PURG: variants seen among roughly 807,000 people sequenced by gnomAD.
The protein encoded by PURG is purine-rich element-binding protein gamma.
Under a neutral mutation model 24.3 loss-of-function variants are expected in PURG, and 3 were observed. That is an observed-to-expected ratio of 0.12 (90% CI 0.06 to 0.32). The LOEUF (loss-of-function observed/expected upper bound fraction) is 0.32. Among genes scored for constraint, PURG ranks in the 10% least tolerant of loss-of-function variants. The pLI is 1.00. For missense variants in PURG, 371 were observed against 439.1 expected (o/e 0.84, Z 1.39); for synonymous variants, 180 against 173.1 (o/e 1.04, Z -0.31).
chr8:31,032,161 T>C lies in PURG; in HGVS notation c.622A>G (p.Met208Val), dbSNP rs1487830158. 2 of 1,614,078 alleles carry C rather than the reference T, an allele frequency of 1.2e-6. No homozygotes were observed. Among genetic ancestry groups the C allele is most frequent in the African/African-American group, 1.3e-5 (1 of 74,928 alleles). ...AAACTGTGGCCAAAATAACCTATCA[T>C]GCCAGTCCCCCGCATCATGGTTTGT... Reference protein sequence around the residue: ...IRQTMMRGTGMIGYFGHSLGQ... With the variant: ...IRQTMMRGTGVIGYFGHSLGQ... The change falls in exon 2 of 2, where the codon ATG becomes GTG. Residue 208 changes from methionine to valine, a missense_variant. Physicochemically the swap from Met to Val is conservative, Grantham distance 21 (BLOSUM62 1). Around this residue, in one of 5 missense-constraint regions of PURG, gnomAD observed 41 missense variants for 29.8 expected, o/e 1.38. Coordinates refer to ENST00000523392, the MANE Select transcript of PURG (RefSeq NM_001323311.2). This position sits in a 1 kb window ranked among gnomAD's most constrained non-coding sequence, Gnocchi z 5.9.
At chr8:31,021,804 T>C (rs1325657243) in intron 1 of PURG, among the ~76,000 whole-genome samples, 1 of 152,114 alleles carries the variant, frequency 6.6e-6, no homozygotes, top group African/African-American at 2.4e-5. Flanking sequence ...TTATAAGGAT[T>C]AGGAATAGTA....
intron 1 of PURG, among the ~76,000 whole-genome samples, chr8:31,007,489 AT>A (rs1810676646): frequency 6.6e-6 from 1 of 152,206 alleles, no homozygotes; most frequent in South Asian, 2.1e-4. Flanking sequence ...GAGTTGAAGG[AT>A]AAAAACAAAT....
Position 31,032,353 on chromosome 8 carries a change from G to T in PURG, c.430C>A (p.Gln144Lys). The T allele has an allele frequency of 6.2e-7, 1 of 1,613,206 alleles. No individual in the cohort carries two copies. The highest frequency in any genetic ancestry group is 8.5e-7 in the Non-Finnish European group (1 of 1,180,004). The change falls in exon 2 of 2, where the codon CAA (glutamine) becomes AAA (lysine). Residue 144 changes from glutamine (Q) to lysine (K), a missense_variant. This residue lies in a region of PURG where 213 missense variants were observed against 230.6 expected (regional missense o/e 0.92). Coordinates refer to ENST00000523392, the MANE Select transcript of PURG (RefSeq NM_001323311.2). The surrounding 1 kb of genome is among the most constrained non-coding windows in gnomAD (Gnocchi z 5.9). ...TGCTTCTGCCTCCTTCTGGAGCCTT[G>T]CTCTTTGCTGTGGCCATGCTCTTGC... The part of the protein sequence containing the change: ...HRQEHGHSKE[Q>K]GSRRRQKHSA...
At chr8:31,020,449 A>C (rs1810970919) in intron 1 of PURG, among the ~76,000 whole-genome samples, 1 of 152,212 alleles carries the variant, frequency 6.6e-6, no homozygotes, top group South Asian at 2.1e-4. Context: ...GAAATTGTTC[A>C]CTTTTCTTTA....
chr8:31,006,470 T>C, intron 1 of PURG, among the ~76,000 whole-genome samples: 1 of 152,058 alleles, frequency 6.6e-6, no homozygotes, highest in East Asian at 1.9e-4. Flanking sequence ...GGTGGGCGCC[T>C]GTGGTCCCGG....
At chr8:31,006,823 C>A (rs11775287) in intron 1 of PURG, among the ~76,000 whole-genome samples, 1 of 152,062 alleles carries the variant, frequency 6.6e-6, no homozygotes, top group Non-Finnish European at 1.5e-5. Flanking sequence ...TCCCCTTGAA[C>A]TGCCATTTCT....
chr8:31,031,965 C>A lies in PURG; in HGVS notation c.818G>T (p.Arg273Met). 1.2e-6 allele frequency: 2 copies of A among 1,614,134 alleles called. No individual in the cohort carries two copies. Among genetic ancestry groups the A allele is most frequent in the Non-Finnish European group, 1.7e-6 (2 of 1,180,026 alleles). ...ATTAGAGCCCACATCAAAGTAGAAC[C>A]TTTTATTGTCCACTCTGAAAGAAGT... The part of the protein sequence containing the change: ...EGTSFRVDNK[R>M]FYFDVGSNKY... The change falls in exon 2 of 2, where the codon AGG becomes ATG. Residue 273 changes from arginine (R) to methionine (M), a missense_variant. This residue lies in a region of PURG where 103 missense variants were observed against 127.7 expected (regional missense o/e 0.81). Transcript: ENST00000523392.
exon 2 of PURG, chr8:30,996,664 T>G (rs142974098): frequency 1.2e-6 from 2 of 1,612,124 alleles, no homozygotes; most frequent in East Asian, 2.2e-5. Flanking sequence ...TGAAAAAGGT[T>G]GATATTCTCT....
At chr8:31,029,698 A>G (rs1276888948), downstream of PURG, among the ~76,000 whole-genome samples, 1 of 151,888 alleles carries the variant, frequency 6.6e-6, no homozygotes, top group Non-Finnish European at 1.5e-5. Context: ...CAGTTTGCCA[A>G]AATCTGACAG....
intron 1 of PURG, among the ~76,000 whole-genome samples, chr8:31,022,260 C>G (rs1026579895): frequency 2.0e-5 from 3 of 152,162 alleles, no homozygotes; most frequent in African/African-American, 7.2e-5. Flanking sequence ...CATGAGCCAC[C>G]ACACCCAGCC....
chr8:31,021,634 G>A (rs556290978), intron 1 of PURG, among the ~76,000 whole-genome samples: 15 of 152,226 alleles, frequency 9.9e-5, no homozygotes, highest in Admixed American at 5.2e-4. Flanking sequence ...AGAGTTGGAA[G>A]GATCAGCTTC....
intron 1 of PURG, among the ~76,000 whole-genome samples, chr8:31,005,155 A>G (rs1263987004): frequency 1.3e-5 from 2 of 152,180 alleles, no homozygotes; most frequent in Admixed American, 1.3e-4. Flanking sequence ...CACGCAGACC[A>G]GGCATAGTGG....
At chr8:31,017,512 T>G (rs1056000843) in intron 1 of PURG, among the ~76,000 whole-genome samples, 7 of 152,132 alleles carry the variant, frequency 4.6e-5, no homozygotes, top group African/African-American at 1.7e-4. Flanking sequence ...ATGTGCAATA[T>G]AGTTTATAGA....
At chr8:31,030,257 A>C (rs1482353031), downstream of PURG, among the ~76,000 whole-genome samples, 1 of 152,060 alleles carries the variant, frequency 6.6e-6, no homozygotes, top group African/African-American at 2.4e-5. Flanking sequence ...CATCAATGAG[A>C]GTGATATTTG....
At chr8:31,007,016 A>G (rs1810666206) in intron 1 of PURG, among the ~76,000 whole-genome samples, 1 of 152,222 alleles carries the variant, frequency 6.6e-6, no homozygotes, top group African/African-American at 2.4e-5. Context: ...CAATTGTAAA[A>G]ATGATAAATT....
downstream of PURG, among the ~76,000 whole-genome samples, chr8:31,027,934 T>C (rs1317920866): frequency 6.6e-6 from 1 of 151,774 alleles, no homozygotes; most frequent in African/African-American, 2.4e-5. Context: ...TGCATTTCCT[T>C]AACTTGAAAC....
chr8:31,032,706 C>T lies in PURG; in HGVS notation c.77G>A (p.Ser26Asn), dbSNP rs1447847227. 6.6e-6 allele frequency: 10 copies of T among 1,506,860 alleles called. No homozygotes were observed. The highest frequency in any genetic ancestry group is 2.3e-5 in the Admixed American group (1 of 42,894). The allele number at this position is 1,506,860 out of a possible 1,614,324, so 93.3% of individuals were successfully genotyped here. Residue 26 changes from serine to asparagine, a missense_variant, in exon 2 of 2, where the codon AGC becomes AAC. Physicochemically the swap from Ser to Asn is conservative, Grantham distance 46. Around this residue, in one of 5 missense-constraint regions of PURG, gnomAD observed 213 missense variants for 230.6 expected, o/e 0.92. Coordinates refer to ENST00000523392, the MANE Select transcript of PURG (RefSeq NM_001323311.2). The surrounding 1 kb of genome is among the most constrained non-coding windows in gnomAD (Gnocchi z 5.9). ...GGCCTGGGGATAGAGTCTACTCTTGCTTAGGCCAGAGCCCCCTACATTCTT... is the reference window on the plus strand; with the variant it reads ...GGCCTGGGGATAGAGTCTACTCTTGTTTAGGCCAGAGCCCCCTACATTCTT... ...GGKNVGGSGLSKSRLYPQAQH... is the reference protein window; with the variant it reads ...GGKNVGGSGLNKSRLYPQAQH...
intron 1 of PURG, among the ~76,000 whole-genome samples, chr8:31,009,376 A>G (rs1337332086): frequency 6.6e-6 from 1 of 152,162 alleles, no homozygotes; most frequent in African/African-American, 2.4e-5. Context: ...CAGTGAGCTG[A>G]GATCGTGCCA....
chr8:30,996,290 G>A (rs1810426188), exon 2 of PURG: 1 of 191,998 alleles, frequency 5.2e-6, no homozygotes, highest in East Asian at 1.2e-4. Flanking sequence ...GATCTCTTAA[G>A]AAAGTATTTT....
Sources: gnomAD v4.1 joint callset for allele counts (sites outside exome capture counted in the v4.1 genomes callset) on GRCh38, gnomAD v4.1.1 for gene constraint, gnomAD v4.1.1 regional missense constraint, Gnocchi (gnomAD v3.1) non-coding constraint, MANE v1.5 for transcripts, NCBI Gene and HGNC (gene_info 2026-07-23, HGNC 2026-07-21) for gene names.